The following GOLGA8B variants were observed in gnomAD, a reference collection of about 807,000 sequenced individuals.
GOLGA8B encodes the protein golgin A8 family member B, also known as golgin subfamily A member 8B.
GOLGA8B carries 1 observed loss-of-function variant against 15.6 expected under a neutral mutation model. The ratio of observed to expected loss-of-function variants is 0.06; its 90% CI spans 0.02 to 0.30. The LOEUF (loss-of-function observed/expected upper bound fraction) is 0.30. GOLGA8B is among the 10% of genes least tolerant of loss of function. GOLGA8B has a pLI of 1.00. For synonymous variants in GOLGA8B, 9 were observed against 80.3 expected, an observed-to-expected ratio of 0.11 and a Z score of 4.75; for missense variants, 17 against 201.3, an observed-to-expected ratio of 0.08 and a Z score of 5.54.
At chr15:34,576,534 C>T (rs1331206665) in intron 1 of GOLGA8B, among the ~76,000 whole-genome samples, 2 of 152,180 alleles carry the variant, frequency 1.3e-5, no homozygotes, top group Non-Finnish European at 2.9e-5. Flanking sequence ...TCTCCAGGTA[C>T]CTGAACCTTA....
chr15:34,561,189 C>A, intron 1 of GOLGA8B, among the ~76,000 whole-genome samples: 1 of 141,664 alleles, frequency 7.1e-6, no homozygotes, highest in Non-Finnish European at 1.5e-5. Context: ...TAGCGCAGTA[C>A]AAGCTGGCGG....
At chr15:34,573,358 G>A (rs1354290762) in intron 1 of GOLGA8B, among the ~76,000 whole-genome samples, 1 of 151,986 alleles carries the variant, frequency 6.6e-6, no homozygotes, top group East Asian at 1.9e-4. Flanking sequence ...CTAACACGGT[G>A]AAATCTCGTC....
chr15:34,582,772 G>A (rs1187889760), intron 1 of GOLGA8B: 1 of 152,168 alleles, frequency 6.6e-6, no homozygotes, highest in Non-Finnish European at 1.5e-5. Context: ...CCCGACCCAT[G>A]GAGCCCTGCT....
At position 34,563,489 on chromosome 15, in the gene GOLGA8B, T is replaced by C. The variant is rs112745564; in HGVS notation, c.-1122-9533A>G. On this transcript the variant is annotated intron_variant, in intron 1 of 23. Coordinates refer to ENST00000683415, the MANE Select transcript of GOLGA8B (RefSeq NM_001023567.5). ...CTCCACCTTTGTTTGCTTTGCTTCA[T>C]TAATTAACCATTTCCCATTTACTGT... Among the ~76,000 whole-genome samples, 7 of 149,000 alleles carry C rather than the reference T, an allele frequency of 4.7e-5. No individual in the cohort carries two copies. The East Asian group carries it at 1.2e-3, about 25-fold the overall frequency.
rs1264786239 is a variant in GOLGA8B at position 34,527,303 on chromosome 15, G to A, written c.*329C>T. On this transcript the variant is annotated 3_prime_UTR_variant, in exon 24 of 24. Coordinates refer to ENST00000683415, the MANE Select transcript of GOLGA8B (RefSeq NM_001023567.5). Reference sequence around the variant, plus strand: ...AAGCACGGGAGCCTATTCCAAACCAGCGAGAACAGTTTTGTGCAAAGAGTG... The same window carrying A: ...AAGCACGGGAGCCTATTCCAAACCAACGAGAACAGTTTTGTGCAAAGAGTG... 5.3e-6 allele frequency: 2 copies of A among 375,822 alleles called. No individual in the cohort carries two copies. Among genetic ancestry groups the A allele is most frequent in the African/African-American group, 2.1e-5 (1 of 46,538 alleles). The allele number at this position is 375,822 out of a possible 1,614,324, so 23.3% of individuals were successfully genotyped here. A position where few individuals can be genotyped will look rare whatever the true frequency, so the allele number is the denominator to read the frequency against.
At position 34,525,762 on chromosome 15, in the gene GOLGA8B, G is replaced by T. The variant is rs528787727; in HGVS notation, c.*1870C>A. ...TTGAAGTCACAAGGACCCAATATCT[G>T]CCCTCTTTCAGTGAATGCCGGCAAA... On this transcript the variant is annotated 3_prime_UTR_variant, in exon 24 of 24. Coordinates refer to ENST00000683415, the MANE Select transcript of GOLGA8B (RefSeq NM_001023567.5). 1 of 149,486 alleles carries T rather than the reference G, an allele frequency of 6.7e-6. No individual in the cohort carries two copies. The highest frequency in any genetic ancestry group is 2.1e-4 in the South Asian group (1 of 4,658). 9.3% of individuals were successfully genotyped at this position (149,486 alleles called of 1,614,324 possible). A position where few individuals can be genotyped will look rare whatever the true frequency, so the allele number is the denominator to read the frequency against.
chr15:34,525,854 T>C lies in GOLGA8B; in HGVS notation c.*1778A>G, dbSNP rs576052364. On this transcript the variant is annotated 3_prime_UTR_variant, in exon 24 of 24. Transcript: ENST00000683415. ...TAATCTCCTATTTATAAAAGGATCA[T>C]GAGGCTGCCAAGTGCTAAAAATGGA... The C allele has an allele frequency of 5.5e-4, 82 of 149,544 alleles. 5 individuals carry two copies. Among genetic ancestry groups the C allele is most frequent in the African/African-American group, 1.8e-3 (74 of 40,470 alleles). 9.3% of individuals were successfully genotyped at this position (149,544 alleles called of 1,614,324 possible).
intron 1 of GOLGA8B, among the ~76,000 whole-genome samples, chr15:34,567,578 C>G (rs903970816): frequency 2.0e-5 from 3 of 151,642 alleles, no homozygotes; most frequent in African/African-American, 7.3e-5. Context: ...AAAACCCATC[C>G]CATTAGGAAC....
chr15:34,568,948 C>A (rs2140349322), intron 1 of GOLGA8B, among the ~76,000 whole-genome samples: 1 of 148,412 alleles, frequency 6.7e-6, no homozygotes, highest in East Asian at 2.0e-4. Flanking sequence ...CTTGTGCGCT[C>A]TCTCTCGCTC....
chr15:34,574,641 G>A (rs1889018360), intron 1 of GOLGA8B, among the ~76,000 whole-genome samples: 1 of 152,120 alleles, frequency 6.6e-6, no homozygotes, highest in African/African-American at 2.4e-5. Context: ...CAAGTAGCAG[G>A]CCTTTCCAGC....
chr15:34,567,809 G>T (rs534686534), intron 1 of GOLGA8B, among the ~76,000 whole-genome samples: 2 of 151,938 alleles, frequency 1.3e-5, no homozygotes, highest in South Asian at 4.2e-4. Flanking sequence ...AAGTCCTCAA[G>T]AAGGCTGCAT....
At chr15:34,580,022 C>G (rs898854560) in intron 1 of GOLGA8B, among the ~76,000 whole-genome samples, 2 of 151,738 alleles carry the variant, frequency 1.3e-5, no homozygotes, top group African/African-American at 4.8e-5. Context: ...AGGGAGCCGG[C>G]AATAGGTGAG....
intron 1 of GOLGA8B, among the ~76,000 whole-genome samples, chr15:34,567,711 CG>C: frequency 6.6e-6 from 1 of 151,986 alleles, no homozygotes; most frequent in Admixed American, 6.5e-5. Context: ...ATGACGCACA[CG>C]GGCAGATATT....
At chr15:34,577,044 G>A (rs1455644553) in intron 1 of GOLGA8B, among the ~76,000 whole-genome samples, 1 of 150,144 alleles carries the variant, frequency 6.7e-6, no homozygotes, top group Non-Finnish European at 1.5e-5. Context: ...GAGCAGTGAC[G>A]CTCTACAGCT....
intron 1 of GOLGA8B, among the ~76,000 whole-genome samples, chr15:34,573,299 G>T (rs1276593365): frequency 6.6e-6 from 1 of 152,132 alleles, no homozygotes; most frequent in Non-Finnish European, 1.5e-5. Flanking sequence ...AGCACTTTGG[G>T]AGGCTGAAGC....
intron 1 of GOLGA8B, among the ~76,000 whole-genome samples, chr15:34,578,983 A>T (rs2140357246): frequency 6.6e-6 from 1 of 152,292 alleles, no homozygotes; most frequent in East Asian, 1.9e-4. Flanking sequence ...CTCCCAGGAC[A>T]ATAAGAGAAG....
intron 1 of GOLGA8B, among the ~76,000 whole-genome samples, chr15:34,554,285 T>G (rs1275675843): frequency 6.6e-6 from 1 of 152,286 alleles, no homozygotes; most frequent in Non-Finnish European, 1.5e-5. Flanking sequence ...CTGGCTGAGC[T>G]GATCACCGCT....
rs1888801482 is a variant in GOLGA8B, at chr15:34,567,674, GA to G, written c.-1122-13719del. Among the ~76,000 whole-genome samples, 6 of 151,620 alleles carry G rather than the reference GA, an allele frequency of 4.0e-5. No homozygotes were observed. The South Asian group carries it at 1.2e-3, about 31-fold the overall frequency. ...TAAGGGTTTAAAATTGAAAATCAAA[GA>G]GCCATTCCTCAGTGATACCCAGGAA... On this transcript the variant is annotated intron_variant, in intron 1 of 23. Transcript: ENST00000683415.
intron 1 of GOLGA8B, chr15:34,566,607 T>C (rs1198053270): frequency 3.5e-5 from 5 of 144,676 alleles, no homozygotes; most frequent in East Asian, 2.0e-4. Flanking sequence ...CAAGCCTGCT[T>C]TGAACTGTAA....
Sources: gnomAD v4.1 joint callset for allele counts (sites outside exome capture counted in the v4.1 genomes callset) on GRCh38, gnomAD v4.1.1 for gene constraint, MANE v1.5 for transcripts, NCBI Gene and HGNC (gene_info 2026-07-23, HGNC 2026-07-21) for gene names.